Variants in CROT observed in about 807,000 individuals in gnomAD.
The protein encoded by CROT is peroxisomal carnitine O-octanoyltransferase.
A neutral mutation model predicts 89.2 loss-of-function variants in CROT; 84 were observed. The observed-to-expected ratio is 0.94, with a 90% CI of 0.79 to 1.13. The LOEUF (loss-of-function observed/expected upper bound fraction) is 1.13. CROT is among the 50% of genes most tolerant of loss of function. The pLI is 0.00. For synonymous variants in CROT, 212 were observed against 239.5 expected, an observed-to-expected ratio of 0.89 and a Z score of 1.06; for missense variants, 711 against 727.8, an observed-to-expected ratio of 0.98 and a Z score of 0.27.
intron 17 of CROT, among the ~76,000 whole-genome samples, chr7:87,397,970 T>C (rs545047768): frequency 2.6e-5 from 4 of 152,292 alleles, no homozygotes; most frequent in African/African-American, 7.2e-5. Context: ...CAGGGCCACT[T>C]TTCTCACTTG....
At chr7:87,374,515 GTT>G (rs2115921615) in intron 7 of CROT, among the ~76,000 whole-genome samples, 1 of 152,130 alleles carries the variant, frequency 6.6e-6, no homozygotes, top group South Asian at 2.1e-4. Context: ...GAAATTCAGA[GTT>G]TATGCTAGTA....
rs1562932281 is a variant in CROT, at chr7:87,369,497, C to T, written c.656+13C>T. ...CAGAGCTTCTCAGGTTTTCAGACTACTTTCTTGAGTTTCATTAGGTCTTAT... is the reference window on the plus strand; with the variant it reads ...CAGAGCTTCTCAGGTTTTCAGACTATTTTCTTGAGTTTCATTAGGTCTTAT... On this transcript the variant is annotated intron_variant, in intron 7 of 17. Coordinates refer to ENST00000331536, the MANE Select transcript of CROT (RefSeq NM_021151.4). 6.3e-7 allele frequency: 1 copy of T among 1,576,378 alleles called. No individual in the cohort carries two copies. Among genetic ancestry groups the T allele is most frequent in the East Asian group, 2.2e-5 (1 of 44,566 alleles).
Position 87,351,633 on chromosome 7 carries a change from G to A in CROT, c.115+2450G>A, listed in dbSNP as rs181732910. 4.7e-3 allele frequency among the ~76,000 whole-genome samples: 719 copies of A among 152,252 alleles called. 3 individuals are homozygous for A. Among genetic ancestry groups the A allele is most frequent in the Non-Finnish European group, 8.2e-3 (560 of 68,020 alleles). On this transcript the variant is annotated intron_variant, in intron 3 of 17. Transcript: ENST00000331536. ...AAGAGAAGCCACAGGATTCTTTATTGGCTCACAAGAGTGTGCTGGAACAGT... is the reference window on the plus strand; with the variant it reads ...AAGAGAAGCCACAGGATTCTTTATTAGCTCACAAGAGTGTGCTGGAACAGT...
At chr7:87,382,236 A>C (rs1489402573) in intron 12 of CROT, 55 bp downstream of exon 12, 28 of 1,496,656 alleles carry the variant, frequency 1.9e-5, no homozygotes, top group Non-Finnish European at 2.4e-5. Flanking sequence ...TAACAACCAT[A>C]TGTAAAAATT....
intron 13 of CROT, among the ~76,000 whole-genome samples, chr7:87,391,368 T>C (rs909886354): frequency 6.6e-6 from 1 of 152,182 alleles, no homozygotes; most frequent in Non-Finnish European, 1.5e-5. Flanking sequence ...CTGTAATGTA[T>C]ATGACCTGAC....
chr7:87,356,211 C>T (rs1039652700), intron 3 of CROT, among the ~76,000 whole-genome samples: 6 of 152,126 alleles, frequency 3.9e-5, no homozygotes, highest in African/African-American at 1.4e-4. Context: ...ATTTTAGAAA[C>T]ATGTTTCCCA....
intron 17 of CROT, among the ~76,000 whole-genome samples, chr7:87,394,825 G>T (rs150066688): frequency 1.8e-3 from 278 of 152,238 alleles, no homozygotes; most frequent in Non-Finnish European, 3.6e-3. Context: ...GCCAGCAAAG[G>T]ATAGTTTGAT....
chr7:87,349,148 C>T lies in CROT; in HGVS notation c.80C>T (p.Ser27Leu), dbSNP rs911185532. Residue 27 changes from serine to leucine, a missense_variant, in exon 3 of 18, where the codon TCA (serine) becomes TTA (leucine). Ser to Leu is a moderately radical substitution (Grantham distance 145). Transcript: ENST00000331536. ...QDSLPSLPVPSLEESLKKYLE... is the reference protein window; with the variant it reads ...QDSLPSLPVPLLEESLKKYLE... ...TCTCTTCCATCACTGCCTGTTCCTT[C>T]ACTTGAAGAATCATTAAAAAAATAC... The T allele has an allele frequency of 6.3e-6, 10 of 1,599,862 alleles. No individual in the cohort carries two copies. Among genetic ancestry groups the T allele is most frequent in the Non-Finnish European group, 8.5e-6 (10 of 1,170,264 alleles).
intron 7 of CROT, among the ~76,000 whole-genome samples, chr7:87,373,221 C>A (rs1263863555): frequency 6.6e-6 from 1 of 152,002 alleles, no homozygotes; most frequent in African/African-American, 2.4e-5. Flanking sequence ...TGCATTTTGG[C>A]CATTTGTATA....
intron 3 of CROT, 104 bp downstream of exon 3, chr7:87,349,287 T>TA (rs1805796492): frequency 3.9e-6 from 2 of 515,216 alleles, no homozygotes; most frequent in Non-Finnish European, 3.3e-6. Flanking sequence ...AAGAGAGAGT[T>TA]AGAGTTCTTG....
At chr7:87,353,878 C>T (rs1477528235) in intron 3 of CROT, among the ~76,000 whole-genome samples, 1 of 152,132 alleles carries the variant, frequency 6.6e-6, no homozygotes, top group African/African-American at 2.4e-5. Context: ...CAACACTGGG[C>T]GTTACATTTC....
At chr7:87,394,665 T>C (rs2116216351) in intron 17 of CROT, among the ~76,000 whole-genome samples, 1 of 152,230 alleles carries the variant, frequency 6.6e-6, no homozygotes, top group South Asian at 2.1e-4. Flanking sequence ...TGCAGCTTTT[T>C]GGTGGGTGCT....
chr7:87,384,714 T>G (rs1033472216), intron 13 of CROT, among the ~76,000 whole-genome samples: 1 of 152,224 alleles, frequency 6.6e-6, no homozygotes, highest in African/African-American at 2.4e-5. Flanking sequence ...GCTTTTTAAC[T>G]TCATATGATC....
chr7:87,375,192 T>C (rs1393907958), intron 7 of CROT: 2 of 154,228 alleles, frequency 1.3e-5, no homozygotes, highest in African/African-American at 4.8e-5. Flanking sequence ...CAAATATTAA[T>C]TGAGTATACA....
intron 7 of CROT, chr7:87,375,395 G>A (rs941178356): frequency 1.8e-5 from 8 of 435,316 alleles, no homozygotes; most frequent in African/African-American, 1.6e-4. Flanking sequence ...ACTAAATTTA[G>A]CCAATAACTA....
At chr7:87,362,008 G>C (rs1806291930) in intron 6 of CROT, among the ~76,000 whole-genome samples, 156 bp downstream of exon 6, 3 of 152,200 alleles carry the variant, frequency 2.0e-5, no homozygotes, top group Admixed American at 2.0e-4. Context: ...ATTCTGATTA[G>C]ATGTAATTTA....
Position 87,391,714 on chromosome 7 carries a change from T to G in CROT, c.1425+2T>G, listed in dbSNP as rs1034128341. 2 of 1,603,526 alleles carry G rather than the reference T, an allele frequency of 1.2e-6. No individual in the cohort carries two copies. The highest frequency in any genetic ancestry group is 1.7e-6 in the Non-Finnish European group (2 of 1,176,874). On this transcript the variant is annotated splice_donor_variant, in intron 14 of 17. Coordinates refer to ENST00000331536, the MANE Select transcript of CROT (RefSeq NM_021151.4). LOFTEE classifies it high-confidence loss of function. ...TCCATGCAGGATCCTTCTGTCAATG[T>G]GAGTATTGGAAAGGAAAAAAACTCA...
At chr7:87,376,956 G>A (rs986306060) in intron 9 of CROT, among the ~76,000 whole-genome samples, 1 of 152,048 alleles carries the variant, frequency 6.6e-6, no homozygotes, top group Non-Finnish European at 1.5e-5. Context: ...TGAAAAACAG[G>A]TTTAGTAGGA....
chr7:87,390,852 A>G (rs1807336512), intron 13 of CROT, among the ~76,000 whole-genome samples: 1 of 152,222 alleles, frequency 6.6e-6, no homozygotes, highest in African/African-American at 2.4e-5. Flanking sequence ...ACTTTTTTAT[A>G]TCACACATTT....
Sources: gnomAD v4.1 joint callset for allele counts (sites outside exome capture counted in the v4.1 genomes callset) on GRCh38, gnomAD v4.1.1 for gene constraint, MANE v1.5 for transcripts, NCBI Gene and HGNC (gene_info 2026-07-23, HGNC 2026-07-21) for gene names.